PTPRO: variants seen among roughly 807,000 people sequenced by gnomAD.
PTPRO encodes the protein receptor-type tyrosine-protein phosphatase O.
A neutral mutation model predicts 145.2 loss-of-function variants in PTPRO; 62 were observed. The observed-to-expected ratio is 0.43, with a 90% CI of 0.35 to 0.53. The LOEUF is 0.53. Ranked by LOEUF, PTPRO falls within the 20% of genes least tolerant of loss-of-function variation. PTPRO has a pLI of 0.01. For missense variants in PTPRO, 1,345 were observed against 1,482.7 expected, an observed-to-expected ratio of 0.91 and a Z score of 1.53; for synonymous variants, 565 against 514.7, an observed-to-expected ratio of 1.10 and a Z score of -1.32.
chr12:15,346,194 C>A (rs1458345009), intron 1 of PTPRO, among the ~76,000 whole-genome samples: 2 of 152,130 alleles, frequency 1.3e-5, no homozygotes, highest in African/African-American at 4.8e-5. Context: ...TTTTGCATAT[C>A]AAATCCAACT....
chr12:15,371,116 C>T (rs1938514217), intron 1 of PTPRO, among the ~76,000 whole-genome samples: 1 of 152,200 alleles, frequency 6.6e-6, no homozygotes, highest in East Asian at 1.9e-4. Context: ...TCCAAGTTTT[C>T]CACAATAAGC....
chr12:15,413,363 G>A lies in PTPRO; in HGVS notation c.76-70611G>A, dbSNP rs944832898. On this transcript the variant is annotated intron_variant, in intron 1 of 26. Transcript: ENST00000281171. The stretch of plus-strand genomic sequence containing the variant: ...CCCACCCACCTGGGTTTCTCAAAGC[G>A]CTGGGATTATAGGCTTGAACCTGGC... Among the ~76,000 whole-genome samples the A allele has an allele frequency of 4.6e-5, 7 of 152,234 alleles. No homozygotes were observed. The South Asian group carries it at 1.0e-3, about 23-fold the overall frequency.
In PTPRO at chr12:15,508,602, C is replaced by T. The variant is rs377388913; in HGVS notation, c.1299C>T (p.Thr433=). Residue 433 remains threonine (T), a synonymous_variant, in exon 7 of 27, where the codon ACC becomes ACT. Coordinates refer to ENST00000281171, the MANE Select transcript of PTPRO (RefSeq NM_030667.3). ...SPSGEWIEEL[T]EKPQHVSVHV... Reference sequence around the variant, plus strand: ...CAGGAGAGTGGATTGAAGAACTGACCGAGAAGCCGCAGCACGTGAGTGTCC... The same window carrying T: ...CAGGAGAGTGGATTGAAGAACTGACTGAGAAGCCGCAGCACGTGAGTGTCC... 6.6e-5 allele frequency: 107 copies of T among 1,613,960 alleles called. No homozygotes were observed. Among genetic ancestry groups the T allele is most frequent in the South Asian group, 6.6e-4 (60 of 91,062 alleles).
Position 15,499,591 on chromosome 12 carries a change from A to G in PTPRO, c.658A>G (p.Thr220Ala). The G allele has an allele frequency of 6.2e-7, 1 of 1,613,240 alleles. No individual in the cohort carries two copies. Among genetic ancestry groups the G allele is most frequent in the Non-Finnish European group, 8.5e-7 (1 of 1,179,194 alleles). The change falls in exon 4 of 27, where the codon ACT (threonine) becomes GCT (alanine). Residue 220 changes from threonine to alanine, a missense_variant. This residue lies in a region of PTPRO where 1,130 missense variants were observed against 1,214.7 expected (regional missense o/e 0.93). Coordinates refer to ENST00000281171, the MANE Select transcript of PTPRO (RefSeq NM_030667.3). The stretch of plus-strand genomic sequence containing the variant: ...CAGTCACGAACCCAAACAGCACAGA[A>G]CTGGTAAGTCTCCTGAAGAATCAAA... ...GVSHEPKQHRTAPYPPQNISV... is the reference protein window; with the variant it reads ...GVSHEPKQHRAAPYPPQNISV...
chr12:15,348,825 C>G (rs544032208), intron 1 of PTPRO: 9 of 152,000 alleles, frequency 5.9e-5, no homozygotes, highest in African/African-American at 2.2e-4. Context: ...GAAAGGAACA[C>G]AACTCTTCTT....
intron 1 of PTPRO, among the ~76,000 whole-genome samples, chr12:15,456,343 C>T (rs1295328358): frequency 2.6e-5 from 4 of 152,026 alleles, no homozygotes; most frequent in African/African-American, 7.2e-5. Flanking sequence ...GTGTCTGATC[C>T]TTTTAATATG....
Position 15,384,851 on chromosome 12 carries a change from A to G in PTPRO, c.75+62050A>G, listed in dbSNP as rs147996771. 3.6e-3 allele frequency among the ~76,000 whole-genome samples: 546 copies of G among 152,334 alleles called. 1 individual carries two copies. Among genetic ancestry groups the G allele is most frequent in the Middle Eastern group, 0.017 (5 of 294 alleles). On this transcript the variant is annotated intron_variant, in intron 1 of 26. Coordinates refer to ENST00000281171, the MANE Select transcript of PTPRO (RefSeq NM_030667.3). ...AAAATTGTGAGTTTTTCTTGTATAG[A>G]GTAAAATTTTCTGATCTTAAAAGCA...
In PTPRO at chr12:15,589,535, T is replaced by A; in HGVS notation, c.3491T>A (p.Ile1164Asn). Residue 1164 changes from isoleucine (I) to asparagine (N), a missense_variant, in exon 25 of 27, where the codon ATC becomes AAC. Around this residue, in one of 3 missense-constraint regions of PTPRO, gnomAD observed 208 missense variants for 242.8 expected, o/e 0.86. Transcript: ENST00000281171. ...QHIRDHEFVD[I>N]LGLVSEMRSY... Reference sequence around the variant, plus strand: ...ATTCGGGATCATGAGTTTGTTGACATCTTAGGGCTGGTGTCAGAAATGAGG... The same window carrying A: ...ATTCGGGATCATGAGTTTGTTGACAACTTAGGGCTGGTGTCAGAAATGAGG... 6.2e-7 allele frequency: 1 copy of A among 1,614,124 alleles called. No individual in the cohort carries two copies. The highest frequency in any genetic ancestry group is 8.5e-7 in the Non-Finnish European group (1 of 1,180,004).
At chr12:15,499,116 A>G (rs1942166087) in intron 3 of PTPRO, among the ~76,000 whole-genome samples, 1 of 152,212 alleles carries the variant, frequency 6.6e-6, no homozygotes, top group African/African-American at 2.4e-5. Flanking sequence ...ATCTTAAAGT[A>G]AATGGCCAGT....
intron 1 of PTPRO, among the ~76,000 whole-genome samples, chr12:15,396,452 T>A (rs1939341990): frequency 6.6e-6 from 1 of 151,372 alleles, no homozygotes; most frequent in Admixed American, 6.6e-5. Context: ...ACAAAAAAAA[T>A]TAAATTGGAG....
At chr12:15,480,454 G>T (rs980430905) in intron 1 of PTPRO, among the ~76,000 whole-genome samples, 1 of 152,090 alleles carries the variant, frequency 6.6e-6, no homozygotes, top group African/African-American at 2.4e-5. Context: ...CTCGTGGGTG[G>T]CAGCTTGAAC....
chr12:15,431,955 C>T (rs2136342514), intron 1 of PTPRO, among the ~76,000 whole-genome samples: 1 of 152,166 alleles, frequency 6.6e-6, no homozygotes, highest in East Asian at 1.9e-4. Flanking sequence ...GACACTAATA[C>T]TCATTATGAG....
chr12:15,364,632 C>T (rs897574259), intron 1 of PTPRO, among the ~76,000 whole-genome samples: 1 of 152,106 alleles, frequency 6.6e-6, no homozygotes, highest in African/African-American at 2.4e-5. Flanking sequence ...TAATTAAACT[C>T]ACAGGGGAGT....
At chr12:15,560,149 G>A (rs1943734143) in intron 16 of PTPRO, 44 bp from the exon 17 acceptor site, 3 of 1,418,746 alleles carry the variant, frequency 2.1e-6, no homozygotes, top group Non-Finnish European at 3.0e-6. Context: ...ACTAACTCTT[G>A]CAACTTTTTC....
chr12:15,413,180 C>G (rs866653065), intron 1 of PTPRO, among the ~76,000 whole-genome samples: 1 of 151,932 alleles, frequency 6.6e-6, no homozygotes, highest in African/African-American at 2.4e-5. Flanking sequence ...AACCTCTGCC[C>G]CCCAGGTTCA....
At position 15,367,517 on chromosome 12, in the gene PTPRO, A is replaced by T. The variant is rs141064866; in HGVS notation, c.75+44716A>T. Reference sequence around the variant, plus strand: ...AGTGAGGGTAATATCTATTTTTTTCAGACTCCTAAATTAATATCTTCAACC... The same window carrying T: ...AGTGAGGGTAATATCTATTTTTTTCTGACTCCTAAATTAATATCTTCAACC... On this transcript the variant is annotated intron_variant, in intron 1 of 26. Coordinates refer to ENST00000281171, the MANE Select transcript of PTPRO (RefSeq NM_030667.3). Among the ~76,000 whole-genome samples the T allele has an allele frequency of 2.8e-4, 42 of 152,318 alleles. No individual in the cohort carries two copies. The South Asian group carries it at 5.2e-3, about 19-fold the overall frequency.
chr12:15,348,128 GGATTAA>G (rs1223346738), intron 1 of PTPRO: 1 of 152,186 alleles, frequency 6.6e-6, no homozygotes, highest in African/African-American at 2.4e-5. Context: ...TTTGCTGATC[GGATTAA>G]GATTAAGGAC....
rs140149729 is a variant in PTPRO at position 15,467,814 on chromosome 12, C to T, written c.76-16160C>T. Among the ~76,000 whole-genome samples, 219 of 152,292 alleles carry T rather than the reference C, an allele frequency of 1.4e-3. 1 individual carries two copies. Among genetic ancestry groups the T allele is most frequent in the African/African-American group, 5.2e-3 (216 of 41,562 alleles). ...GTGCCCTAACACCTCCAGGTGAAAC[C>T]CAGCCCTTTCTACAAGTTCCATGGA... is the stretch of plus-strand genomic sequence containing the variant. On this transcript the variant is annotated intron_variant, in intron 1 of 26. Coordinates refer to ENST00000281171, the MANE Select transcript of PTPRO (RefSeq NM_030667.3).
In PTPRO at chr12:15,468,231, A is replaced by T. The variant is rs139238470; in HGVS notation, c.76-15743A>T. On this transcript the variant is annotated intron_variant, in intron 1 of 26. Coordinates refer to ENST00000281171, the MANE Select transcript of PTPRO (RefSeq NM_030667.3). Reference sequence around the variant, plus strand: ...TTTTCCAATAAAACTTTCCACCCCCAATAGGAATTCTGGAGCCAGCAAGTA... The same window carrying T: ...TTTTCCAATAAAACTTTCCACCCCCTATAGGAATTCTGGAGCCAGCAAGTA... 1.3e-4 allele frequency among the ~76,000 whole-genome samples: 20 copies of T among 152,256 alleles called. 1 individual carries two copies. The highest frequency in any genetic ancestry group is 4.8e-4 in the African/African-American group (20 of 41,560).
Sources: allele counts gnomAD v4.1 joint callset (sites outside exome capture counted in the v4.1 genomes callset), GRCh38; gene constraint gnomAD v4.1.1; regional missense constraint gnomAD v4.1.1; transcripts MANE v1.5; gene names NCBI Gene and HGNC (gene_info 2026-07-23, HGNC 2026-07-21).